PDS5A: variants seen among roughly 807,000 people sequenced by gnomAD.
PDS5A encodes PDS5 cohesin associated factor A, also known as sister chromatid cohesion protein PDS5 homolog A.
A neutral mutation model predicts 167.1 loss-of-function variants in PDS5A; 42 were observed. The ratio of observed to expected loss-of-function variants is 0.25; its 90% CI spans 0.20 to 0.33. PDS5A has a LOEUF of 0.33. Ranked by LOEUF, PDS5A falls within the 10% of genes least tolerant of loss-of-function variation. The pLI, the probability that PDS5A is intolerant of heterozygous loss-of-function variation, is 1.00. For missense variants in PDS5A, 1,033 were observed against 1,605.9 expected (o/e 0.64, Z 6.10); for synonymous variants, 553 against 554.6 (o/e 1.00, Z 0.04).
chr4:39,973,137 AG>A, intron 2 of PDS5A: 6 of 692,444 alleles, frequency 8.7e-6, no homozygotes, highest in Admixed American at 2.0e-5. Context: ...TTTAAACAGC[AG>A]GAACACCAAT....
intron 23 of PDS5A, among the ~76,000 whole-genome samples, chr4:39,864,749 G>A (rs969797050): frequency 9.8e-5 from 15 of 152,290 alleles, no homozygotes; most frequent in South Asian, 2.1e-4. Flanking sequence ...TGCTTACTCC[G>A]TGCCAGGCAG....
chr4:39,863,552 G>T, intron 23 of PDS5A, 93 bp from the exon 24 acceptor site: 1 of 809,256 alleles, frequency 1.2e-6, no homozygotes. Context: ...GGTCCTTAGA[G>T]CATAATTTAT....
At chr4:39,881,165 C>T (rs1048738383) in intron 17 of PDS5A, among the ~76,000 whole-genome samples, 2 of 152,016 alleles carry the variant, frequency 1.3e-5, no homozygotes, top group African/African-American at 2.4e-5. Context: ...GAATAGTATT[C>T]CATTTATTTA....
chr4:39,829,872 G>A lies in PDS5A; in HGVS notation c.4011-4384C>T, dbSNP rs572681594. Among the ~76,000 whole-genome samples, 8 of 140,500 alleles carry A rather than the reference G, an allele frequency of 5.7e-5. No homozygotes were observed. The Middle Eastern group carries it at 0.023, about 408-fold the overall frequency. The allele number at this position is 140,500 out of a possible 152,430, so 92.2% of individuals were successfully genotyped here. ...AGGCTGAGGCAGGAGAATGGCGTGA[G>A]CCCAGGAGGTGGAGCTTGCAAAGAG... On this transcript the variant is annotated intron_variant, in intron 32 of 32. Transcript: ENST00000303538.
intron 30 of PDS5A, among the ~76,000 whole-genome samples, chr4:39,842,628 G>C (rs977262794): frequency 6.6e-6 from 1 of 151,862 alleles, no homozygotes; most frequent in African/African-American, 2.4e-5. Flanking sequence ...ACAATATTAA[G>C]TGTTCCTAAG....
intron 27 of PDS5A, 23 bp downstream of exon 27, chr4:39,849,497 C>T (rs776418887): frequency 6.4e-7 from 1 of 1,550,640 alleles, no homozygotes; most frequent in South Asian, 1.2e-5. Context: ...TCTTAACACC[C>T]ACTGGCCTAA....
At chr4:39,912,824 GA>G in intron 9 of PDS5A, among the ~76,000 whole-genome samples, 2 of 152,270 alleles carry the variant, frequency 1.3e-5, no homozygotes, top group Middle Eastern at 6.8e-3. Flanking sequence ...CTCTTGAGAA[GA>G]AACATTAAAA....
intron 26 of PDS5A, among the ~76,000 whole-genome samples, chr4:39,860,973 G>A (rs546037621): frequency 1.3e-5 from 2 of 151,820 alleles, no homozygotes; most frequent in Non-Finnish European, 2.9e-5. Flanking sequence ...AGATGAGGTA[G>A]GAGATTGCTT....
At chr4:39,890,479 G>A in intron 16 of PDS5A, 115 bp from the exon 17 acceptor site, 2 of 605,040 alleles carry the variant, frequency 3.3e-6, no homozygotes, top group Admixed American at 3.0e-5. Context: ...AGAATTGTCT[G>A]CTCTAGACCC....
At chr4:39,907,758 T>C (rs1723521331) in intron 11 of PDS5A, among the ~76,000 whole-genome samples, 1 of 152,124 alleles carries the variant, frequency 6.6e-6, no homozygotes, top group Non-Finnish European at 1.5e-5. Flanking sequence ...AGCTAATTTT[T>C]TGTATTTTTA....
intron 2 of PDS5A, 147 bp from the exon 3 acceptor site, chr4:39,928,311 T>G: frequency 1.7e-6 from 1 of 595,662 alleles, no homozygotes; most frequent in Non-Finnish European, 3.0e-6. Context: ...AATCTTCATT[T>G]AAGAATTTCA....
intron 26 of PDS5A, 42 bp downstream of exon 26, chr4:39,862,177 T>G: frequency 1.3e-6 from 1 of 766,956 alleles, no homozygotes; most frequent in Non-Finnish European, 2.0e-6. Flanking sequence ...TTTTGAAAAC[T>G]AAACATAATT....
At chr4:39,878,174 G>C (rs1362726086) in intron 18 of PDS5A, among the ~76,000 whole-genome samples, 1 of 152,160 alleles carries the variant, frequency 6.6e-6, no homozygotes, top group Admixed American at 6.5e-5. Flanking sequence ...TTTTCAATAA[G>C]CACTTATTTA....
chr4:39,899,851 TAAAA>T (rs532738160), intron 14 of PDS5A, among the ~76,000 whole-genome samples: 8 of 102,404 alleles, frequency 7.8e-5, no homozygotes, highest in African/African-American at 1.9e-4. Flanking sequence ...TCCTGTGTAT[TAAAA>T]AAAAAAAAAA....
chr4:39,841,601 C>A (rs1717026374), intron 31 of PDS5A, among the ~76,000 whole-genome samples: 1 of 151,784 alleles, frequency 6.6e-6, no homozygotes, highest in Non-Finnish European at 1.5e-5. Flanking sequence ...CAACCTCCAC[C>A]TCCTGGGTTC....
chr4:39,930,246 A>AAAAAAAAAAAAATTTTTT, intron 2 of PDS5A, among the ~76,000 whole-genome samples: 7 of 93,164 alleles, frequency 7.5e-5, no homozygotes, highest in East Asian at 4.9e-4. Context: ...AAAAAAAAAA[A>AAAAAAAAAAAAATTTTTT]GTTTTTTTGT....
At chr4:39,886,311 ATGTAAATGTTAGGAT>A (rs1477495061) in intron 17 of PDS5A, among the ~76,000 whole-genome samples, 13 of 152,252 alleles carry the variant, frequency 8.5e-5, no homozygotes, top group Admixed American at 7.8e-4. Context: ...TTGTGGTTCC[ATGTAAATGTTAGGAT>A]TGTTTTTTCT....
intron 2 of PDS5A, among the ~76,000 whole-genome samples, chr4:39,943,977 A>C (rs925150775): frequency 6.6e-6 from 1 of 151,838 alleles, no homozygotes; most frequent in South Asian, 2.1e-4. Flanking sequence ...GGAGATTGAA[A>C]CCATCCTGGC....
At chr4:39,860,437 C>T (rs1018095099) in intron 26 of PDS5A, among the ~76,000 whole-genome samples, 5 of 151,178 alleles carry the variant, frequency 3.3e-5, no homozygotes, top group Non-Finnish European at 7.4e-5. Flanking sequence ...TGCACTCCAG[C>T]CAGGGCAACA....
Sources: allele counts gnomAD v4.1 joint callset (sites outside exome capture counted in the v4.1 genomes callset), GRCh38; gene constraint gnomAD v4.1.1; transcripts MANE v1.5; gene names NCBI Gene and HGNC (gene_info 2026-07-23, HGNC 2026-07-21).